The following LHFPL2 variants were observed in gnomAD, a reference collection of about 807,000 sequenced individuals.
LHFPL2 encodes the protein LHFPL tetraspan subfamily member 2 protein.
LHFPL2 carries 7 observed loss-of-function variants against 17.5 expected under a neutral mutation model. The observed-to-expected ratio is 0.40, with a 90% CI of 0.23 to 0.75. LHFPL2 has a LOEUF of 0.75. Among genes scored for constraint, LHFPL2 ranks in the 30% least tolerant of loss-of-function variants. The pLI, the probability that LHFPL2 is intolerant of heterozygous loss-of-function variation, is 0.37. For synonymous variants in LHFPL2, 134 were observed against 116.2 expected (o/e 1.15, Z -0.99); for missense variants, 241 against 294.8 (o/e 0.82, Z 1.34).
At chr5:78,636,363 G>C (rs1002519388) in intron 1 of LHFPL2, among the ~76,000 whole-genome samples, 1 of 152,242 alleles carries the variant, frequency 6.6e-6, no homozygotes, top group Admixed American at 6.5e-5. Context: ...ACAACAGTAA[G>C]TGAATTCCAC....
At chr5:78,519,322 C>T (rs959623244) in intron 3 of LHFPL2, among the ~76,000 whole-genome samples, 8 of 152,212 alleles carry the variant, frequency 5.3e-5, no homozygotes, top group African/African-American at 1.7e-4. Context: ...TCTCACAGCC[C>T]TGATCACTGC....
intron 3 of LHFPL2, among the ~76,000 whole-genome samples, chr5:78,558,891 C>G (rs1295907981): frequency 1.3e-5 from 2 of 152,176 alleles, no homozygotes; most frequent in Admixed American, 6.5e-5. Context: ...AAGAACTGAG[C>G]CACAACATAA....
intron 2 of LHFPL2, among the ~76,000 whole-genome samples, chr5:78,611,674 T>C (rs1744427086): frequency 6.6e-6 from 1 of 152,130 alleles, no homozygotes; most frequent in Admixed American, 6.5e-5. Context: ...GGAATGTGGA[T>C]TTTATCCTAC....
intron 2 of LHFPL2, among the ~76,000 whole-genome samples, chr5:78,618,263 G>C (rs931279067): frequency 3.3e-5 from 5 of 152,160 alleles, no homozygotes; most frequent in Non-Finnish European, 7.3e-5. Flanking sequence ...AGCTTCCGTA[G>C]TAAGTTTTTA....
intron 4 of LHFPL2, among the ~76,000 whole-genome samples, chr5:78,506,368 T>C (rs1019791182): frequency 1.4e-4 from 22 of 152,256 alleles, no homozygotes; most frequent in African/African-American, 5.3e-4. Context: ...AGCCTGAGTG[T>C]ATTTCTAAAG....
chr5:78,581,240 G>A (rs942428875), intron 2 of LHFPL2, among the ~76,000 whole-genome samples: 6 of 152,152 alleles, frequency 3.9e-5, no homozygotes, highest in Admixed American at 3.9e-4. Flanking sequence ...TCTGCAAACA[G>A]GGACAATTTG....
chr5:78,600,079 A>G (rs1743960398), intron 2 of LHFPL2, among the ~76,000 whole-genome samples: 1 of 152,134 alleles, frequency 6.6e-6, no homozygotes, highest in Non-Finnish European at 1.5e-5. Context: ...AGATCAAACA[A>G]CAGCTTATTC....
chr5:78,519,786 G>T (rs1166966902), intron 3 of LHFPL2, among the ~76,000 whole-genome samples: 2 of 152,212 alleles, frequency 1.3e-5, no homozygotes, highest in East Asian at 3.8e-4. Context: ...GCATAAATGC[G>T]ACCACTTCTG....
intron 4 of LHFPL2, among the ~76,000 whole-genome samples, chr5:78,495,445 T>C (rs1754575570): frequency 6.6e-6 from 1 of 152,212 alleles, no homozygotes; most frequent in Admixed American, 6.5e-5. Flanking sequence ...CTGGCTCTTG[T>C]TCCACAGAGT....
chr5:78,579,984 A>G (rs1743050524), intron 2 of LHFPL2, among the ~76,000 whole-genome samples: 1 of 152,112 alleles, frequency 6.6e-6, no homozygotes, highest in Non-Finnish European at 1.5e-5. Flanking sequence ...AAGTGTTCCT[A>G]TTTCTCCACA....
At chr5:78,513,516 G>A (rs528113891) in intron 3 of LHFPL2, among the ~76,000 whole-genome samples, 204 of 152,262 alleles carry the variant, frequency 1.3e-3, no homozygotes, top group African/African-American at 4.5e-3. Flanking sequence ...GTGGTGATAC[G>A]CAAGGCTGAC....
intron 1 of LHFPL2, among the ~76,000 whole-genome samples, chr5:78,638,621 C>G (rs1745549120): frequency 6.6e-6 from 1 of 152,180 alleles, no homozygotes; most frequent in Non-Finnish European, 1.5e-5. Flanking sequence ...GACTCCAACC[C>G]TCTGCCCTCC....
intron 2 of LHFPL2, among the ~76,000 whole-genome samples, chr5:78,600,195 A>G (rs1264988172): frequency 6.6e-6 from 1 of 151,944 alleles, no homozygotes; most frequent in Non-Finnish European, 1.5e-5. Context: ...TAAGCCTTTC[A>G]AGTAAAAAAT....
intron 2 of LHFPL2, among the ~76,000 whole-genome samples, chr5:78,621,056 C>T (rs967070527): frequency 6.6e-6 from 1 of 151,668 alleles, no homozygotes; most frequent in Admixed American, 6.6e-5. Flanking sequence ...CAACCTCTGC[C>T]TCCCAGGTAA....
At position 78,485,987 on chromosome 5, in the gene LHFPL2, C is replaced by T. The variant is rs964113410; in HGVS notation, c.*2910G>A. On this transcript the variant is annotated 3_prime_UTR_variant, in exon 5 of 5. Coordinates refer to ENST00000380345, the MANE Select transcript of LHFPL2 (RefSeq NM_005779.3). ...CTTGCCAAAACAGAAACAAACATCCCTGTTTTGACTCCTGTCCAGTTTCCA... is the reference window on the plus strand; with the variant it reads ...CTTGCCAAAACAGAAACAAACATCCTTGTTTTGACTCCTGTCCAGTTTCCA... 6 of 152,642 alleles carry T rather than the reference C, an allele frequency of 3.9e-5. No individual in the cohort carries two copies. Among genetic ancestry groups the T allele is most frequent in the African/African-American group, 1.4e-4 (6 of 41,444 alleles). The allele number at this position is 152,642 out of a possible 1,614,324, so 9.5% of individuals were successfully genotyped here.
chr5:78,534,419 C>A (rs183740256), intron 3 of LHFPL2, among the ~76,000 whole-genome samples: 11 of 152,304 alleles, frequency 7.2e-5, no homozygotes, highest in East Asian at 1.9e-4. Context: ...CAGGCTCCCC[C>A]ACAAAGGACA....
chr5:78,569,080 C>A (rs1288185905), intron 2 of LHFPL2, among the ~76,000 whole-genome samples: 1 of 152,126 alleles, frequency 6.6e-6, no homozygotes, highest in East Asian at 1.9e-4. Context: ...ACGTAAGATG[C>A]CTGCAACCAT....
rs1325491857 is a variant in LHFPL2, at chr5:78,486,356, T to TAA, written c.*2539_*2540dup. ...TTAAGCCAATTTCAGGCAAAATAAA[T>TAA]AAGACTTTCCTGGTAGTAATAATGG... On this transcript the variant is annotated 3_prime_UTR_variant, in exon 5 of 5. Transcript: ENST00000380345. 2 of 152,236 alleles carry TAA rather than the reference T, an allele frequency of 1.3e-5. No homozygotes were observed. The highest frequency in any genetic ancestry group is 3.9e-4 in the East Asian group (2 of 5,186). 9.4% of individuals were successfully genotyped at this position (152,236 alleles called of 1,614,324 possible).
chr5:78,566,449 A>T (rs1003286191), intron 2 of LHFPL2, among the ~76,000 whole-genome samples: 1 of 151,884 alleles, frequency 6.6e-6, no homozygotes, highest in African/African-American at 2.4e-5. Flanking sequence ...CCTTTGTTAT[A>T]ACAGTTAAGG....
Sources: gnomAD v4.1 joint callset for allele counts (sites outside exome capture counted in the v4.1 genomes callset) on GRCh38, gnomAD v4.1.1 for gene constraint, MANE v1.5 for transcripts, NCBI Gene and HGNC (gene_info 2026-07-23, HGNC 2026-07-21) for gene names.